Variants in RTCA observed in about 807,000 individuals in gnomAD.
RTCA encodes the protein RNA terminal phosphate cyclase domain 1.
In RTCA, 37 loss-of-function variants were observed where a neutral mutation model predicts 46.1. The ratio of observed to expected loss-of-function variants is 0.80; its 90% CI spans 0.62 to 1.06. RTCA has a LOEUF of 1.06. RTCA is among the 50% of genes least tolerant of loss of function. RTCA has a pLI of 0.00. For synonymous variants in RTCA, 164 were observed against 158.3 expected (o/e 1.04, Z -0.27); for missense variants, 435 against 455.5 (o/e 0.95, Z 0.41).
intron 5 of RTCA, 113 bp from the exon 6 acceptor site, chr1:100,274,711 C>T (rs1666279465): frequency 1.4e-5 from 16 of 1,171,264 alleles, no homozygotes; most frequent in Admixed American, 2.9e-5. Context: ...AATATTTAGA[C>T]CTTTCCATGG....
In RTCA at chr1:100,266,672, G is replaced by C. The variant is rs200179882; in HGVS notation, c.146+48G>C. The stretch of plus-strand genomic sequence containing the variant: ...TTGGGCCGTGAAGCTGGGGGATCGG[G>C]GGGTCGGGCTGCCGGGCTGGGGCAT... On this transcript the variant is annotated intron_variant, in intron 2 of 10. Transcript: ENST00000370128. 8 of 1,504,446 alleles carry C rather than the reference G, an allele frequency of 5.3e-6. No individual in the cohort carries two copies. The East Asian group carries it at 1.7e-4, about 32-fold the overall frequency. 93.2% of individuals were successfully genotyped at this position (1,504,446 alleles called of 1,614,324 possible).
At position 100,266,604 on chromosome 1, in the gene RTCA, C is replaced by T; in HGVS notation, c.126C>T (p.Gly42=). Residue 42 remains glycine, a synonymous_variant, in exon 2 of 11, where the codon GGC becomes GGT. Coordinates refer to ENST00000370128, the MANE Select transcript of RTCA (RefSeq NM_003729.4). ...LPLRVQKIRA[G]RSTPGLRPQH... ...TGCGGGTGCAGAAGATCCGAGCCGG[C>T]CGGAGCACGCCAGGCCTGAGGTAAA... 1 of 1,613,072 alleles carries T rather than the reference C, an allele frequency of 6.2e-7. No homozygotes were observed. Among genetic ancestry groups the T allele is most frequent in the African/African-American group, 1.3e-5 (1 of 75,036 alleles).
At chr1:100,274,277 C>A (rs76092506) in intron 5 of RTCA, among the ~76,000 whole-genome samples, 2,409 of 152,204 alleles carry the variant, frequency 0.016, 27 homozygotes, top group Non-Finnish European at 0.025. Flanking sequence ...GTCTTCTCAC[C>A]GTCTGCTGTA....
Position 100,274,949 on chromosome 1 carries a change from G to A in RTCA, c.599G>A (p.Gly200Asp). The change falls in exon 6 of 11, where the codon GGT (glycine) becomes GAT (aspartate). Residue 200 changes from glycine to aspartate, a missense_variant. Physicochemically the swap from Gly to Asp is moderately conservative, Grantham distance 94 (BLOSUM62 -1). Coordinates refer to ENST00000370128, the MANE Select transcript of RTCA (RefSeq NM_003729.4). Reference sequence around the variant, plus strand: ...ATATATGGAAGAGCTTTCGTTGCTGGTGTTTTGCCATTTAAAGTAAGTTGT... The same window carrying A: ...ATATATGGAAGAGCTTTCGTTGCTGATGTTTTGCCATTTAAAGTAAGTTGT... ...TKIYGRAFVA[G>D]VLPFKVAKDM... 6.2e-7 allele frequency: 1 copy of A among 1,606,504 alleles called. No homozygotes were observed. Among genetic ancestry groups the A allele is most frequent in the Non-Finnish European group, 8.5e-7 (1 of 1,174,608 alleles).
chr1:100,277,802 TG>T lies in RTCA; in HGVS notation c.799+495del, dbSNP rs202209662. On this transcript the variant is annotated intron_variant, in intron 8 of 10. Transcript: ENST00000370128. Reference sequence around the variant, plus strand: ...TAGAGCGATGTGGAATTTTTTTTTTTGGGGGGGGGCACATAGCATTTGTTTC... The same window carrying T: ...TAGAGCGATGTGGAATTTTTTTTTTTGGGGGGGGCACATAGCATTTGTTTC... 2.6e-3 allele frequency among the ~76,000 whole-genome samples: 389 copies of T among 149,976 alleles called. 3 individuals are homozygous for T. Among genetic ancestry groups the T allele is most frequent in the African/African-American group, 8.8e-3 (359 of 40,788 alleles).
At chr1:100,283,625 G>T (rs1279722943) in intron 8 of RTCA, among the ~76,000 whole-genome samples, 2 of 150,932 alleles carry the variant, frequency 1.3e-5, no homozygotes, top group Non-Finnish European at 1.5e-5. Context: ...TAACAACTTT[G>T]CAGCATAATT....
Position 100,268,214 on chromosome 1 carries a change from C to CAG in RTCA, c.211_212dup (p.Ile72LysfsTer7). 1 of 1,614,088 alleles carries CAG rather than the reference C, an allele frequency of 6.2e-7. No homozygotes were observed. The highest frequency in any genetic ancestry group is 8.5e-7 in the Non-Finnish European group (1 of 1,180,006). Reference sequence around the variant, plus strand: ...TTGTGTGATGGGCAACTGGAGGGGGCAGAAATTGGCTCAACAGAAATAACC... The same window carrying CAG: ...TTGTGTGATGGGCAACTGGAGGGGGCAGAGAAATTGGCTCAACAGAAATAACC... On this transcript the variant is annotated frameshift_variant, in exon 3 of 11. Transcript: ENST00000370128. LOFTEE classifies it high-confidence loss of function.
chr1:100,268,380 T>A, intron 3 of RTCA, 85 bp downstream of exon 3: 1 of 1,103,274 alleles, frequency 9.1e-7, no homozygotes, highest in Non-Finnish European at 1.3e-6. Flanking sequence ...TTAATGTCTA[T>A]GAGCTTGTTT....
At chr1:100,286,740 TAGTC>T (rs2100814047) in intron 9 of RTCA, among the ~76,000 whole-genome samples, 1 of 152,276 alleles carries the variant, frequency 6.6e-6, no homozygotes, top group South Asian at 2.1e-4. Flanking sequence ...GTCCCAGTAT[TAGTC>T]TGTCTATTCA....
In RTCA at chr1:100,277,280, G is replaced by A; in HGVS notation, c.763G>A (p.Gly255Ser). The change falls in exon 8 of 11, where the codon GGC (glycine) becomes AGC (serine). Residue 255 changes from glycine to serine, a missense_variant. Transcript: ENST00000370128. ...GIIIIAETST[G>S]CLFAGSSLGK... ...TAGAATTATTGCTGAGACCTCCACTGGCTGTTTGTTTGCTGGATCATCGCT... is the reference window on the plus strand; with the variant it reads ...TAGAATTATTGCTGAGACCTCCACTAGCTGTTTGTTTGCTGGATCATCGCT... 1 of 1,612,414 alleles carries A rather than the reference G, an allele frequency of 6.2e-7. No individual in the cohort carries two copies. Among genetic ancestry groups the A allele is most frequent in the Non-Finnish European group, 8.5e-7 (1 of 1,179,420 alleles).
At chr1:100,281,550 A>G (rs1376999559) in intron 8 of RTCA, among the ~76,000 whole-genome samples, 1 of 152,130 alleles carries the variant, frequency 6.6e-6, no homozygotes, top group Non-Finnish European at 1.5e-5. Flanking sequence ...CTTATCTTAC[A>G]GTTAGTTATA....
rs72983922 is a variant in RTCA, at chr1:100,285,428, C to T, written c.894+106C>T. On this transcript the variant is annotated intron_variant, in intron 9 of 10. Transcript: ENST00000370128. Reference sequence around the variant, plus strand: ...GACTTTCAGACACTAATTAGCAAGTCCTACTTCAATAATTTAAAAAAATAT... The same window carrying T: ...GACTTTCAGACACTAATTAGCAAGTTCTACTTCAATAATTTAAAAAAATAT... 0.011 allele frequency: 7,562 copies of T among 715,188 alleles called. 429 individuals are homozygous for T. In the African/African-American group the frequency reaches 0.12, roughly 11 times the overall value. The allele number at this position is 715,188 out of a possible 1,614,324, so 44.3% of individuals were successfully genotyped here. A position where few individuals can be genotyped will look rare whatever the true frequency, so the allele number is the denominator to read the frequency against.
At chr1:100,266,760 G>A in intron 2 of RTCA, 136 bp downstream of exon 2, 1 of 701,388 alleles carries the variant, frequency 1.4e-6, no homozygotes, top group Non-Finnish European at 2.4e-6. Context: ...CCAGGGCGGG[G>A]CACTCTGCCT....
At chr1:100,286,491 A>G (rs1163073300) in intron 9 of RTCA, among the ~76,000 whole-genome samples, 1 of 151,706 alleles carries the variant, frequency 6.6e-6, no homozygotes, top group African/African-American at 2.4e-5. Flanking sequence ...AAACAAAAAA[A>G]ACTTAGCACG....
At chr1:100,274,711 C>A in intron 5 of RTCA, 113 bp from the exon 6 acceptor site, 1 of 1,171,376 alleles carries the variant, frequency 8.5e-7, no homozygotes. Flanking sequence ...AATATTTAGA[C>A]CTTTCCATGG....
intron 8 of RTCA, among the ~76,000 whole-genome samples, chr1:100,281,506 C>G (rs923011893): frequency 1.3e-5 from 2 of 152,150 alleles, no homozygotes; most frequent in African/African-American, 2.4e-5. Flanking sequence ...TTTTGTCTTT[C>G]CATTGTTGCG....
At chr1:100,267,316 A>C (rs1265220588) in intron 2 of RTCA, 2 of 522,906 alleles carry the variant, frequency 3.8e-6, no homozygotes, top group Middle Eastern at 5.3e-4. Context: ...TTTTGAAATT[A>C]CCAAAAGGCA....
intron 8 of RTCA, among the ~76,000 whole-genome samples, chr1:100,277,753 A>G (rs1366244668): frequency 6.6e-6 from 1 of 151,908 alleles, no homozygotes; most frequent in Non-Finnish European, 1.5e-5. Context: ...TTCATACATA[A>G]TGAATTGTTT....
At chr1:100,290,983 A>G (rs564653412) in intron 10 of RTCA, among the ~76,000 whole-genome samples, 1 of 152,316 alleles carries the variant, frequency 6.6e-6, no homozygotes, top group Admixed American at 6.5e-5. Context: ...GAAAAAATGT[A>G]AAGAAATTAA....
Sources: allele counts gnomAD v4.1 joint callset (sites outside exome capture counted in the v4.1 genomes callset), GRCh38; gene constraint gnomAD v4.1.1; transcripts MANE v1.5; gene names NCBI Gene and HGNC (gene_info 2026-07-23, HGNC 2026-07-21).